Variants in LALBA observed in about 807,000 individuals in gnomAD.
LALBA encodes the protein lactalbumin alpha.
In LALBA, 12 loss-of-function variants were observed where a neutral mutation model predicts 13.4. The observed-to-expected ratio is 0.89, with a 90% confidence interval of 0.57 to 1.45. LALBA has a LOEUF of 1.45. Among genes scored for constraint, LALBA ranks in the 40% most tolerant of loss-of-function variants. LALBA has a pLI of 0.00. For missense variants in LALBA, 145 were observed against 165.9 expected, an observed-to-expected ratio of 0.87 and a Z score of 0.69; for synonymous variants, 64 against 61.0, an observed-to-expected ratio of 1.05 and a Z score of -0.23.
upstream of LALBA, among the ~76,000 whole-genome samples, chr12:48,571,386 C>CTTTTTTTTTTTTTTTTTT (rs60444004): frequency 3.1e-5 from 3 of 98,032 alleles, 1 homozygote; most frequent in African/African-American, 4.1e-5. Flanking sequence ...CTTCTTCTTC[C>CTTTTTTTTTTTTTTTTTT]TTTTTTTTTT....
At chr12:48,568,760 A>C (rs1407981517) in intron 2 of LALBA, among the ~76,000 whole-genome samples, 168 bp from the exon 3 acceptor site, 1 of 152,164 alleles carries the variant, frequency 6.6e-6, no homozygotes, top group Non-Finnish European at 1.5e-5. Context: ...CTGGGTAGGG[A>C]CTTCCTTCAT....
chr12:48,571,079 C>A (rs545544199), upstream of LALBA, among the ~76,000 whole-genome samples: 51 of 151,666 alleles, frequency 3.4e-4, no homozygotes, highest in Non-Finnish European at 5.9e-4. Context: ...AAATACTACA[C>A]TGGCATTGAG....
At chr12:48,571,352 C>T (rs1193537575), upstream of LALBA, among the ~76,000 whole-genome samples, 2 of 149,206 alleles carry the variant, frequency 1.3e-5, no homozygotes, top group South Asian at 2.1e-4. Flanking sequence ...TCTTCTTTGT[C>T]CTCATCTCTA....
chr12:48,567,688 T>G lies in LALBA; in HGVS notation c.*269A>C, dbSNP rs556337543. The G allele has an allele frequency of 2.8e-6, 1 of 353,210 alleles. No homozygotes were observed. Among genetic ancestry groups the G allele is most frequent in the African/African-American group, 2.1e-5 (1 of 47,678 alleles). 21.9% of individuals were successfully genotyped at this position (353,210 alleles called of 1,614,324 possible). On this transcript the variant is annotated 3_prime_UTR_variant, in exon 4 of 4. Transcript: ENST00000301046. ...GGGGAAAAAAATTACAGCCAGTGAC[T>G]TCAAAGTGGGACCTTTATTCAAGAC...
At chr12:48,570,094 A>G (rs1191250939), upstream of LALBA, 2 of 1,543,788 alleles carry the variant, frequency 1.3e-6, no homozygotes, top group African/African-American at 2.7e-5. Flanking sequence ...AGAAAGCCTC[A>G]GGGGCTCTGG....
chr12:48,567,895 G>T lies in LALBA; in HGVS notation c.*62C>A. ...GAACAGAAAGAAACAAACTGAGGTG[G>T]CATTAGGGAAGAGGTATTCCAGGAG... On this transcript the variant is annotated 3_prime_UTR_variant, in exon 4 of 4. Coordinates refer to ENST00000301046, the MANE Select transcript of LALBA (RefSeq NM_002289.3). 1.5e-6 allele frequency: 2 copies of T among 1,310,502 alleles called. No homozygotes were observed. The highest frequency in any genetic ancestry group is 2.4e-5 in the East Asian group (1 of 42,156). 81.2% of individuals were successfully genotyped at this position (1,310,502 alleles called of 1,614,324 possible). A position where few individuals can be genotyped will look rare whatever the true frequency, so the allele number is the denominator to read the frequency against.
In LALBA at chr12:48,569,202, G is replaced by A; in HGVS notation, c.172C>T (p.Gln58Ter). The A allele has an allele frequency of 6.2e-7, 1 of 1,611,300 alleles. No homozygotes were observed. The highest frequency in any genetic ancestry group is 8.5e-7 in the Non-Finnish European group (1 of 1,179,002). The change falls in exon 2 of 4, where the codon CAA (glutamine) becomes TAA (stop). Residue 58 changes from glutamine to a stop codon, truncating the protein, a stop_gained. Transcript: ENST00000301046. LOFTEE classifies it high-confidence loss of function. ...TMFHTSGYDTQAIVENNESTE... is the reference protein window; with the variant it reads ...TMFHTSGYDT ...CTTTCATTGTTTTCAACTATGGCTT[G>A]TGTGTCATAACCACTGGTGTGAAAC...
upstream of LALBA, among the ~76,000 whole-genome samples, chr12:48,570,822 A>G (rs1938623880): frequency 6.6e-6 from 1 of 151,732 alleles, no homozygotes; most frequent in Non-Finnish European, 1.5e-5. Context: ...ATCTCTACAA[A>G]AAAAATTAGC....
chr12:48,568,143 G>A (rs1206906260), intron 3 of LALBA, 126 bp from the exon 4 acceptor site: 8 of 750,586 alleles, frequency 1.1e-5, no homozygotes, highest in African/African-American at 7.0e-5. Flanking sequence ...GATGTCAAGC[G>A]ACACAAGCCA....
chr12:48,568,824 A>C lies in LALBA; in HGVS notation c.293-232T>G, dbSNP rs1376636099. On this transcript the variant is annotated intron_variant, in intron 2 of 3. Transcript: ENST00000301046. ...CAGCTTCATCAACTGACTTACCCTG[A>C]AAATGCAGACAATCAGATTCCAAGA... Among the ~76,000 whole-genome samples the C allele has an allele frequency of 6.0e-4, 91 of 152,216 alleles. 1 individual carries two copies. Among genetic ancestry groups the C allele is most frequent in the Admixed American group, 6.0e-3 (91 of 15,280 alleles).
At position 48,569,170 on chromosome 12, in the gene LALBA, T is replaced by A; in HGVS notation, c.204A>T (p.Glu68Asp). The change falls in exon 2 of 4, where the codon GAA (glutamate) becomes GAT (aspartate). Residue 68 changes from glutamate (E) to aspartate (D), a missense_variant. Physicochemically the swap from Glu to Asp is conservative, Grantham distance 45 (BLOSUM62 2). Coordinates refer to ENST00000301046, the MANE Select transcript of LALBA (RefSeq NM_002289.3). The stretch of plus-strand genomic sequence containing the variant: ...TATTACTGATCTGGAAGAGTCCATA[T>A]TCCGTGCTTTCATTGTTTTCAACTA... ...QAIVENNEST[E>D]YGLFQISNKL... The A allele has an allele frequency of 6.2e-7, 1 of 1,613,762 alleles. No homozygotes were observed. Among genetic ancestry groups the A allele is most frequent in the Non-Finnish European group, 8.5e-7 (1 of 1,179,698 alleles).
upstream of LALBA, chr12:48,570,106 ACCAAGC>A: frequency 7.1e-7 from 1 of 1,415,678 alleles, no homozygotes; most frequent in Non-Finnish European, 9.9e-7. Context: ...GGGCTCTGGT[ACCAAGC>A]CCTACATCTA....
At position 48,570,000 on chromosome 12, in the gene LALBA, C is replaced by T. The variant is rs777342752; in HGVS notation, c.21G>A (p.Leu7=). Residue 7 remains leucine, a synonymous_variant, in exon 1 of 4, where the codon CTG becomes CTA. Coordinates refer to ENST00000301046, the MANE Select transcript of LALBA (RefSeq NM_002289.3). ...CAGGGAACAGGATGCCCACCAGGAA[C>T]AGAGGGACAAAGAACCTCATTTTGG... MRFFVP[L]FLVGILFPAI... The T allele has an allele frequency of 2.5e-6, 4 of 1,613,892 alleles. No individual in the cohort carries two copies. Among genetic ancestry groups the T allele is most frequent in the Non-Finnish European group, 2.5e-6 (3 of 1,179,992 alleles).
upstream of LALBA, among the ~76,000 whole-genome samples, chr12:48,570,592 T>C (rs1938621077): frequency 6.6e-6 from 1 of 152,018 alleles, no homozygotes; most frequent in Non-Finnish European, 1.5e-5. Flanking sequence ...GGCTCAGAAA[T>C]AGGAATAGAA....
chr12:48,570,037 A>T lies in LALBA; in HGVS notation c.-17T>A, dbSNP rs778832400. 25 of 1,613,542 alleles carry T rather than the reference A, an allele frequency of 1.5e-5. No individual in the cohort carries two copies. The highest frequency in any genetic ancestry group is 2.1e-5 in the Non-Finnish European group (25 of 1,179,840). On this transcript the variant is annotated 5_prime_UTR_variant, in exon 1 of 4. Transcript: ENST00000301046. The stretch of plus-strand genomic sequence containing the variant: ...GAACCTCATTTTGGCTACCCCCAAG[A>T]ACCTGAAATGGAAGCATCACTCAGT...
intron 1 of LALBA, 146 bp downstream of exon 1, chr12:48,569,742 A>G (rs556696248): frequency 1.3e-5 from 9 of 716,404 alleles, no homozygotes; most frequent in Admixed American, 8.6e-5. Context: ...ACATATATAC[A>G]TACATGAAAT....
At chr12:48,568,376 C>A in intron 3 of LALBA, 141 bp downstream of exon 3, 1 of 670,290 alleles carries the variant, frequency 1.5e-6, no homozygotes, top group African/African-American at 1.8e-5. Flanking sequence ...ATAACAGAAA[C>A]CTGAGTCTCT....
intron 2 of LALBA, 66 bp from the exon 3 acceptor site, chr12:48,568,658 C>A: frequency 1.1e-6 from 1 of 927,930 alleles, no homozygotes. Context: ...GCACTGAGTT[C>A]CCCTAACCCC....
rs1938615256 is a variant in LALBA at position 48,570,039 on chromosome 12, C to A, written c.-19G>T. 1 of 1,613,474 alleles carries A rather than the reference C, an allele frequency of 6.2e-7. No individual in the cohort carries two copies. The highest frequency in any genetic ancestry group is 1.1e-5 in the South Asian group (1 of 91,056). Reference sequence around the variant, plus strand: ...ACCTCATTTTGGCTACCCCCAAGAACCTGAAATGGAAGCATCACTCAGTTT... The same window carrying A: ...ACCTCATTTTGGCTACCCCCAAGAAACTGAAATGGAAGCATCACTCAGTTT... On this transcript the variant is annotated 5_prime_UTR_variant, in exon 1 of 4. Transcript: ENST00000301046.
Sources: gnomAD v4.1 joint callset for allele counts (sites outside exome capture counted in the v4.1 genomes callset) on GRCh38, gnomAD v4.1.1 for gene constraint, MANE v1.5 for transcripts, NCBI Gene and HGNC (gene_info 2026-07-23, HGNC 2026-07-21) for gene names.